The following RBFOX1 variants were observed in gnomAD, a reference collection of about 807,000 sequenced individuals.
RBFOX1 encodes the protein RNA binding fox-1 homolog 1.
Under a neutral mutation model 57.7 loss-of-function variants are expected in RBFOX1, and 8 were observed. The ratio of observed to expected loss-of-function variants is 0.14; its 90% CI spans 0.08 to 0.25. The LOEUF is 0.25. Ranked by LOEUF, RBFOX1 falls within the 10% of genes least tolerant of loss-of-function variation. The pLI, the probability that RBFOX1 is intolerant of heterozygous loss-of-function variation, is 1.00. For synonymous variants in RBFOX1, 326 were observed against 222.4 expected, an observed-to-expected ratio of 1.47 and a Z score of -4.15; for missense variants, 611 against 548.5, an observed-to-expected ratio of 1.11 and a Z score of -1.14.
At chr16:6,266,691 G>A (rs2074544202) in intron 1 of RBFOX1, among the ~76,000 whole-genome samples, 1 of 151,456 alleles carries the variant, frequency 6.6e-6, no homozygotes, top group South Asian at 2.1e-4. Context: ...TCCAGCCTGG[G>A]TGACAGTGCA....
At chr16:6,479,578 A>T (rs2095337590) in intron 2 of RBFOX1, among the ~76,000 whole-genome samples, 2 of 151,996 alleles carry the variant, frequency 1.3e-5, no homozygotes, top group African/African-American at 4.8e-5. Flanking sequence ...ATAGAACGAG[A>T]TGCTGTCTCA....
chr16:7,120,704 AAAAAAC>A (rs1485735282), intron 4 of RBFOX1, among the ~76,000 whole-genome samples: 1 of 151,012 alleles, frequency 6.6e-6, no homozygotes, highest in Non-Finnish European at 1.5e-5. Flanking sequence ...GAAAAAAAAA[AAAAAAC>A]TATACACAGT....
chr16:6,191,865 C>T lies in RBFOX1; in HGVS notation c.-126-125130C>T, dbSNP rs905360239. 6.6e-5 allele frequency among the ~76,000 whole-genome samples: 10 copies of T among 152,224 alleles called. 1 individual carries two copies. The highest frequency in any genetic ancestry group is 4.1e-4 in the South Asian group (2 of 4,822). On this transcript the variant is annotated intron_variant, in intron 1 of 15. Coordinates refer to ENST00000550418, the MANE Select transcript of RBFOX1 (RefSeq NM_018723.4). ...GCACTAGATTTCCTAACAGAAACCT[C>T]GTGATTTGAAGGGGGGAGAATCATC... is the stretch of plus-strand genomic sequence containing the variant.
At chr16:6,759,473 CTGTGTG>C (rs71145287) in intron 3 of RBFOX1, among the ~76,000 whole-genome samples, 6,160 of 143,066 alleles carry the variant, frequency 0.043, 172 homozygotes, top group Middle Eastern at 0.095. Context: ...TGTCAGTTGT[CTGTGTG>C]TGTGTGTGTG....
At chr16:6,017,061 G>A (rs183454276), upstream of RBFOX1, among the ~76,000 whole-genome samples, 9 of 152,264 alleles carry the variant, frequency 5.9e-5, no homozygotes, top group Admixed American at 5.9e-4. Flanking sequence ...GCAGACTCAA[G>A]CTGAACTTGA....
intron 3 of RBFOX1, among the ~76,000 whole-genome samples, chr16:6,788,638 G>A (rs1260729248): frequency 2.0e-5 from 3 of 151,710 alleles, no homozygotes; most frequent in Non-Finnish European, 4.4e-5. Context: ...ACCATGCCCA[G>A]CTGATTGTTT....
intron 4 of RBFOX1, among the ~76,000 whole-genome samples, chr16:7,107,613 G>A (rs1342735717): frequency 6.6e-6 from 1 of 151,996 alleles, no homozygotes; most frequent in Non-Finnish European, 1.5e-5. Flanking sequence ...CTACGTCGCT[G>A]ACATCCTTCT....
chr16:6,261,432 A>G (rs1308356321), intron 1 of RBFOX1, among the ~76,000 whole-genome samples: 2 of 152,180 alleles, frequency 1.3e-5, no homozygotes, highest in African/African-American at 2.4e-5. Flanking sequence ...CCTCTCCCAG[A>G]TGTCAGATGA....
At chr16:5,599,293 C>T (rs1330398136) in exon 3 of RBFOX1, 5 of 634,158 alleles carry the variant, frequency 7.9e-6, no homozygotes, top group Non-Finnish European at 1.4e-5. Flanking sequence ...GTGACGGCCC[C>T]AGGTTGTGGG....
At chr16:6,936,568 A>G (rs2077395612) in intron 3 of RBFOX1, among the ~76,000 whole-genome samples, 1 of 152,098 alleles carries the variant, frequency 6.6e-6, no homozygotes, top group African/African-American at 2.4e-5. Flanking sequence ...TTCATTGCTT[A>G]ATTGTTTCCT....
At chr16:5,994,073 TG>T (rs2060451318) in intron 4 of RBFOX1, among the ~76,000 whole-genome samples, 1 of 152,304 alleles carries the variant, frequency 6.6e-6, no homozygotes, top group Admixed American at 6.5e-5. Flanking sequence ...AGGATGGGAA[TG>T]GAGCTATGGG....
At position 6,901,663 on chromosome 16, in the gene RBFOX1, G is replaced by A. The variant is rs762136137; in HGVS notation, c.-15-150394G>A. Among the ~76,000 whole-genome samples the A allele has an allele frequency of 3.9e-5, 6 of 152,258 alleles. 1 individual carries two copies. In the South Asian group the frequency reaches 1.2e-3, roughly 32 times the overall value. On this transcript the variant is annotated intron_variant, in intron 3 of 15. Transcript: ENST00000550418. ...TAACCTTCAACAAACTAAAACAGTTGAGCATACAGAATTTTCTGTTGTTTC... is the reference window on the plus strand; with the variant it reads ...TAACCTTCAACAAACTAAAACAGTTAAGCATACAGAATTTTCTGTTGTTTC...
At chr16:7,179,872 T>A (rs967896315) in intron 4 of RBFOX1, among the ~76,000 whole-genome samples, 2 of 151,984 alleles carry the variant, frequency 1.3e-5, no homozygotes, top group Non-Finnish European at 2.9e-5. Flanking sequence ...ATAGCTGGGA[T>A]AACAGACATC....
At chr16:7,648,275 A>G (rs1007704080) in intron 11 of RBFOX1, among the ~76,000 whole-genome samples, 4 of 152,124 alleles carry the variant, frequency 2.6e-5, no homozygotes, top group Non-Finnish European at 5.9e-5. Flanking sequence ...GCTGGAGTGC[A>G]TTGGCGCGAT....
chr16:6,468,328 A>G (rs1440542838), intron 2 of RBFOX1, among the ~76,000 whole-genome samples: 2 of 152,216 alleles, frequency 1.3e-5, no homozygotes, highest in East Asian at 1.9e-4. Context: ...GGCTACATTC[A>G]TCATAGAACT....
At chr16:5,329,426 G>A (rs918435685) in intron 1 of RBFOX1, among the ~76,000 whole-genome samples, 27 of 152,062 alleles carry the variant, frequency 1.8e-4, no homozygotes, top group Admixed American at 7.9e-4. Flanking sequence ...AACTCACTCC[G>A]TATGACAAGA....
chr16:6,234,132 C>G (rs765421195), intron 1 of RBFOX1, among the ~76,000 whole-genome samples: 1 of 152,100 alleles, frequency 6.6e-6, no homozygotes, highest in Non-Finnish European at 1.5e-5. Context: ...CTGTATGAAC[C>G]AGTCACCTCT....
intron 14 of RBFOX1, among the ~76,000 whole-genome samples, chr16:7,706,088 G>A (rs1459848870): frequency 6.6e-6 from 1 of 152,142 alleles, no homozygotes; most frequent in Non-Finnish European, 1.5e-5. Context: ...ACATCAGATT[G>A]CTGACGTGCT....
Position 5,423,174 on chromosome 16 carries a change from C to T in RBFOX1, c.220-44042C>T, listed in dbSNP as rs2067406373. Among the ~76,000 whole-genome samples the T allele has an allele frequency of 3.3e-5, 5 of 151,974 alleles. 1 individual carries two copies. The highest frequency in any genetic ancestry group is 3.3e-4 in the Admixed American group (5 of 15,260). On this transcript the variant is annotated intron_variant, in intron 1 of 2. Coordinates refer to the RBFOX1 transcript ENST00000585867. ...AAATAATTATGGACTCAAGAAGTTA[C>T]AACAGTAGTAAATAGAGTCCCATGA... is the stretch of plus-strand genomic sequence containing the variant.
Sources: allele counts gnomAD v4.1 joint callset (sites outside exome capture counted in the v4.1 genomes callset), GRCh38; gene constraint gnomAD v4.1.1; transcripts MANE v1.5; gene names NCBI Gene and HGNC (gene_info 2026-07-23, HGNC 2026-07-21).